Variants in NDE1 observed in about 807,000 individuals in gnomAD.
The protein encoded by NDE1 is nudE neurodevelopment protein 1.
Under a neutral mutation model 43.4 loss-of-function variants are expected in NDE1, and 28 were observed. The observed-to-expected ratio is 0.65, with a 90% confidence interval of 0.48 to 0.89. The LOEUF is 0.89. Ranked by LOEUF, NDE1 falls within the 40% of genes least tolerant of loss-of-function variation. The probability of loss-of-function intolerance (pLI) is 0.00; values close to 1 mark genes in which losing one functional copy is unlikely to be tolerated. For missense variants in NDE1, 441 were observed against 434.1 expected, an observed-to-expected ratio of 1.02 and a Z score of -0.14; for synonymous variants, 184 against 172.0, an observed-to-expected ratio of 1.07 and a Z score of -0.55.
intron 3 of NDE1, among the ~76,000 whole-genome samples, chr16:15,676,212 C>T (rs997909365): frequency 1.8e-3 from 229 of 128,078 alleles, no homozygotes; most frequent in Non-Finnish European, 1.7e-3. Context: ...TTCTTTCTTT[C>T]TTTGTTTTTC....
chr16:15,694,722 T>C, intron 7 of NDE1: 1 of 985,316 alleles, frequency 1.0e-6, no homozygotes, highest in Non-Finnish European at 1.2e-6. Flanking sequence ...GAGCTTCCTG[T>C]GGGAGTTACT....
At chr16:15,687,558 C>A in intron 5 of NDE1, 47 bp downstream of exon 5, 1 of 1,516,702 alleles carries the variant, frequency 6.6e-7, no homozygotes, top group Non-Finnish European at 9.2e-7. Flanking sequence ...CTCTCCCTAC[C>A]TGAGCAACAT....
upstream of NDE1, among the ~76,000 whole-genome samples, chr16:15,648,783 G>A (rs926674468): frequency 2.0e-5 from 3 of 152,180 alleles, no homozygotes; most frequent in African/African-American, 7.2e-5. Flanking sequence ...ACGCCAGCCT[G>A]GGCAACAAGA....
chr16:15,679,935 C>T (rs1035243332), intron 4 of NDE1, among the ~76,000 whole-genome samples: 1 of 152,108 alleles, frequency 6.6e-6, no homozygotes. Context: ...TGTGTTACCA[C>T]ACCCGGCTAA....
chr16:15,665,176 C>G (rs1015600206), intron 2 of NDE1, among the ~76,000 whole-genome samples: 2 of 151,890 alleles, frequency 1.3e-5, no homozygotes, highest in Non-Finnish European at 2.9e-5. Context: ...GGTGTGAGCT[C>G]TCTTTTTTCT....
At chr16:15,699,525 T>C in intron 8 of NDE1, 1 of 1,183,108 alleles carries the variant, frequency 8.5e-7, no homozygotes, top group Non-Finnish European at 1.1e-6. Context: ...CTAGTGGGTC[T>C]GAGACTGGGC....
intron 5 of NDE1, among the ~76,000 whole-genome samples, chr16:15,690,737 CT>C (rs968959259): frequency 6.6e-6 from 1 of 151,980 alleles, no homozygotes; most frequent in African/African-American, 2.4e-5. Context: ...CCCAGTAGGT[CT>C]TTTTTCTGAC....
chr16:15,693,421 C>G (rs1378070419), intron 6 of NDE1, among the ~76,000 whole-genome samples: 1 of 152,144 alleles, frequency 6.6e-6, no homozygotes, highest in Non-Finnish European at 1.5e-5. Flanking sequence ...GTCTATAGTT[C>G]TTGTATCTAT....
Position 15,667,400 on chromosome 16 carries a change from C to A in NDE1, c.198C>A (p.Ser66=), listed in dbSNP as rs547772543. 2 of 1,613,836 alleles carry A rather than the reference C, an allele frequency of 1.2e-6. No homozygotes were observed. The highest frequency in any genetic ancestry group is 1.7e-6 in the Non-Finnish European group (2 of 1,179,882). ...QIETRNRDLL[S]ENNRLRMELE... ...AAACCAGGAACAGAGACCTCCTGTC[C>A]GAAAATAACCGCCTTCGCATGGAGC... is the stretch of plus-strand genomic sequence containing the variant. The change falls in exon 3 of 9, where the codon TCC becomes TCA. Residue 66 remains serine, a synonymous_variant. Transcript: ENST00000396354.
Position 15,661,360 on chromosome 16 carries a change from GA to G in NDE1, c.-43-3374del, listed in dbSNP as rs34710063. Among the ~76,000 whole-genome samples, 837 of 152,256 alleles carry G rather than the reference GA, an allele frequency of 5.5e-3. 12 individuals are homozygous for G. Among genetic ancestry groups the G allele is most frequent in the South Asian group, 0.025 (123 of 4,832 alleles). The stretch of plus-strand genomic sequence containing the variant: ...AGACAGTGTTTCACCATGTTAGCCA[GA>G]ATGGTCTTGATCTCCTAACCTCGTG... On this transcript the variant is annotated intron_variant, in intron 1 of 8. Transcript: ENST00000396354.
upstream of NDE1, among the ~76,000 whole-genome samples, chr16:15,647,892 G>A (rs2036362310): frequency 6.6e-6 from 1 of 151,858 alleles, no homozygotes; most frequent in African/African-American, 2.4e-5. Flanking sequence ...AATTAGCTGG[G>A]CGTGTTGGTG....
At chr16:15,706,920 G>A (rs182354357) in intron 8 of NDE1, among the ~76,000 whole-genome samples, 2 of 152,278 alleles carry the variant, frequency 1.3e-5, no homozygotes, top group Admixed American at 6.5e-5. Flanking sequence ...CTCTGTTTTG[G>A]CTGAAGTGCT....
At chr16:15,695,466 C>T (rs1229883300) in intron 7 of NDE1, 2 of 974,666 alleles carry the variant, frequency 2.1e-6, no homozygotes, top group Non-Finnish European at 2.4e-6. Context: ...TGAGATCGCA[C>T]CGCTGGGTGA....
intron 1 of NDE1, among the ~76,000 whole-genome samples, chr16:15,654,624 A>C (rs959208588): frequency 3.3e-5 from 5 of 150,098 alleles, no homozygotes; most frequent in African/African-American, 4.9e-5. Context: ...AAACAAAAAA[A>C]AAAAAAACAA....
At chr16:15,674,743 A>G (rs2037779440) in intron 3 of NDE1, among the ~76,000 whole-genome samples, 1 of 151,860 alleles carries the variant, frequency 6.6e-6, no homozygotes, top group Admixed American at 6.6e-5. Context: ...GCTGGGTCTC[A>G]CTCTGTTGCC....
intron 8 of NDE1, among the ~76,000 whole-genome samples, chr16:15,707,372 C>T (rs930653835): frequency 3.3e-5 from 5 of 152,100 alleles, no homozygotes; most frequent in African/African-American, 1.2e-4. Flanking sequence ...TCCAAGGCCT[C>T]GGGAATCATC....
chr16:15,644,188 G>A (rs750187199), intron 1 of NDE1, among the ~76,000 whole-genome samples: 31 of 152,188 alleles, frequency 2.0e-4, no homozygotes, highest in Non-Finnish European at 4.1e-4. Flanking sequence ...TACCTTAGGA[G>A]TTTATTTTTA....
chr16:15,696,397 A>C (rs2039015346), intron 7 of NDE1, among the ~76,000 whole-genome samples: 1 of 151,258 alleles, frequency 6.6e-6, no homozygotes, highest in South Asian at 2.1e-4. Flanking sequence ...AAAAAAAAAA[A>C]CTGAGATGGG....
At position 15,694,364 on chromosome 16, in the gene NDE1, G is replaced by A. The variant is rs539370799; in HGVS notation, c.795+108G>A. On this transcript the variant is annotated intron_variant, in intron 7 of 8. Coordinates refer to ENST00000396354, the MANE Select transcript of NDE1 (RefSeq NM_017668.3). ...TCTCTTCTTTTTTTCTTTTTTTTTAGAGACAGGGTCTTGCTCTGTTGCTCA... is the reference window on the plus strand; with the variant it reads ...TCTCTTCTTTTTTTCTTTTTTTTTAAAGACAGGGTCTTGCTCTGTTGCTCA... 1.1e-4 allele frequency: 175 copies of A among 1,541,262 alleles called. 1 individual carries two copies. Among genetic ancestry groups the A allele is most frequent in the Non-Finnish European group, 8.0e-5 (91 of 1,144,212 alleles).
Sources: gnomAD v4.1 joint callset for allele counts (sites outside exome capture counted in the v4.1 genomes callset) on GRCh38, gnomAD v4.1.1 for gene constraint, MANE v1.5 for transcripts, NCBI Gene and HGNC (gene_info 2026-07-23, HGNC 2026-07-21) for gene names.